LSAMP: variants seen among roughly 807,000 people sequenced by gnomAD.
The protein encoded by LSAMP is limbic system associated membrane protein.
LSAMP carries 7 observed loss-of-function variants against 38.6 expected under a neutral mutation model. That is an observed-to-expected ratio of 0.18 (90% CI 0.10 to 0.34). The LOEUF (loss-of-function observed/expected upper bound fraction) is 0.34, where lower values mean the gene tolerates loss of function less well. Among genes scored for constraint, LSAMP ranks in the 10% least tolerant of loss-of-function variants. The pLI, the probability that LSAMP is intolerant of heterozygous loss-of-function variation, is 1.00. For synonymous variants in LSAMP, 154 were observed against 166.8 expected, an observed-to-expected ratio of 0.92 and a Z score of 0.59; for missense variants, 313 against 420.0, an observed-to-expected ratio of 0.75 and a Z score of 2.23.
chr3:115,899,700 A>C lies in LSAMP; in HGVS notation c.515-47083T>G, dbSNP rs570827588. Among the ~76,000 whole-genome samples the C allele has an allele frequency of 3.3e-5, 5 of 152,290 alleles. No individual in the cohort carries two copies. In the East Asian group the frequency reaches 7.7e-4, roughly 24 times the overall value. On this transcript the variant is annotated intron_variant, in intron 3 of 6. Transcript: ENST00000490035. ...TGTTGATTAGAATGATTTTGTATCT[A>C]ACTCTATACATAGTCCAAACATCAA...
At chr3:116,091,463 G>A (rs970392512) in intron 1 of LSAMP, among the ~76,000 whole-genome samples, 4 of 152,172 alleles carry the variant, frequency 2.6e-5, no homozygotes, top group Non-Finnish European at 4.4e-5. Flanking sequence ...TATTGATTGG[G>A]GAAGTGAGAA....
At chr3:116,248,477 A>ATGTG (rs3028670) in intron 1 of LSAMP, among the ~76,000 whole-genome samples, 2,793 of 140,796 alleles carry the variant, frequency 0.02, 106 homozygotes, top group African/African-American at 0.063. Context: ...CCTGTCTCTA[A>ATGTG]TGTGTGTGTG....
rs1298348575 is a variant in LSAMP at position 116,210,693 on chromosome 3, T to C, written c.156-124137A>G. 3.3e-5 allele frequency among the ~76,000 whole-genome samples: 5 copies of C among 152,242 alleles called. No individual in the cohort carries two copies. The East Asian group carries it at 7.7e-4, about 23-fold the overall frequency. ...CTCCCCTTCATATATACATATATCCTATTAGTTGTGTCCCTTTAGTGAACT... is the reference window on the plus strand; with the variant it reads ...CTCCCCTTCATATATACATATATCCCATTAGTTGTGTCCCTTTAGTGAACT... On this transcript the variant is annotated intron_variant, in intron 1 of 6. Coordinates refer to ENST00000490035, the MANE Select transcript of LSAMP (RefSeq NM_002338.5).
intron 1 of LSAMP, among the ~76,000 whole-genome samples, chr3:116,327,387 T>C (rs1439115398): frequency 6.6e-6 from 1 of 152,188 alleles, no homozygotes; most frequent in African/African-American, 2.4e-5. Flanking sequence ...TCTTATTCTC[T>C]ATGTACGGAA....
chr3:115,866,173 A>T (rs1313853347), intron 3 of LSAMP, among the ~76,000 whole-genome samples: 1 of 152,118 alleles, frequency 6.6e-6, no homozygotes, highest in Non-Finnish European at 1.5e-5. Flanking sequence ...CTGGTGTTTT[A>T]ATCAATCATA....
At chr3:116,226,528 C>G (rs1384199374) in intron 1 of LSAMP, among the ~76,000 whole-genome samples, 1 of 152,218 alleles carries the variant, frequency 6.6e-6, no homozygotes, top group Non-Finnish European at 1.5e-5. Context: ...AACTGTTGAT[C>G]ACTGAAATAG....
intron 6 of LSAMP, among the ~76,000 whole-genome samples, chr3:115,826,726 AT>A (rs1433954093): frequency 1.3e-5 from 2 of 152,208 alleles, no homozygotes; most frequent in African/African-American, 4.8e-5. Flanking sequence ...GTGCCAAAAA[AT>A]GAGTTTTTAA....
intron 6 of LSAMP, among the ~76,000 whole-genome samples, chr3:115,811,226 C>T (rs1034960788): frequency 1.3e-5 from 2 of 151,950 alleles, no homozygotes; most frequent in African/African-American, 4.8e-5. Context: ...AATGTGGACA[C>T]AATTTGGGGG....
intron 1 of LSAMP, among the ~76,000 whole-genome samples, chr3:116,194,798 A>G (rs1177491901): frequency 6.6e-6 from 1 of 152,072 alleles, no homozygotes; most frequent in Admixed American, 6.5e-5. Context: ...TGATACAAAG[A>G]GGGGCTTATT....
rs1472440110 is a variant in LSAMP, at chr3:115,806,130, C to T, written c.*4187G>A. The T allele has an allele frequency of 6.6e-6, 1 of 152,122 alleles. No individual in the cohort carries two copies. Among genetic ancestry groups the T allele is most frequent in the East Asian group, 1.9e-4 (1 of 5,202 alleles). 9.4% of individuals were successfully genotyped at this position (152,122 alleles called of 1,614,324 possible). On this transcript the variant is annotated 3_prime_UTR_variant, in exon 7 of 7. Transcript: ENST00000490035. ...CATGGTTAATCCCATTAAACATAGTCTATAAGCAAATTTCTTTTCGCCAAA... is the reference window on the plus strand; with the variant it reads ...CATGGTTAATCCCATTAAACATAGTTTATAAGCAAATTTCTTTTCGCCAAA...
intron 1 of LSAMP, among the ~76,000 whole-genome samples, chr3:116,428,979 C>T (rs1308972582): frequency 6.6e-6 from 1 of 152,202 alleles, no homozygotes; most frequent in African/African-American, 2.4e-5. Context: ...AGTTCCTAAA[C>T]TCTGTCTACC....
chr3:115,903,869 G>A (rs1048073343), intron 3 of LSAMP, among the ~76,000 whole-genome samples: 4 of 152,070 alleles, frequency 2.6e-5, no homozygotes, highest in African/African-American at 7.2e-5. Context: ...AATATTTAAA[G>A]CAGACATTAT....
intron 3 of LSAMP, among the ~76,000 whole-genome samples, chr3:115,997,767 TAC>T (rs1371220225): frequency 4.4e-5 from 6 of 136,940 alleles, no homozygotes; most frequent in African/African-American, 1.3e-4. Flanking sequence ...CACACATACA[TAC>T]ACACACATAT....
intron 1 of LSAMP, among the ~76,000 whole-genome samples, chr3:116,255,486 AAC>A (rs1247031644): frequency 6.6e-6 from 1 of 151,190 alleles, no homozygotes; most frequent in African/African-American, 2.4e-5. Context: ...GCCATTTTGA[AAC>A]ATGTGTATTT....
At chr3:116,212,784 T>A (rs1343531384) in intron 1 of LSAMP, among the ~76,000 whole-genome samples, 1 of 152,206 alleles carries the variant, frequency 6.6e-6, no homozygotes, top group South Asian at 2.1e-4. Flanking sequence ...GTTACTTTCA[T>A]ATGTACATAG....
chr3:116,057,436 C>A (rs1484273380), intron 2 of LSAMP, among the ~76,000 whole-genome samples: 1 of 152,132 alleles, frequency 6.6e-6, no homozygotes, highest in Non-Finnish European at 1.5e-5. Flanking sequence ...ACTTGACCTC[C>A]CTTGATATGG....
chr3:116,072,034 G>A (rs959093551), intron 2 of LSAMP, among the ~76,000 whole-genome samples: 7 of 147,330 alleles, frequency 4.8e-5, no homozygotes, highest in African/African-American at 1.0e-4. Context: ...GGAGTGCAGT[G>A]GTGCGATCTC....
intron 4 of LSAMP, among the ~76,000 whole-genome samples, chr3:115,851,212 G>A (rs1307764468): frequency 6.6e-6 from 1 of 152,138 alleles, no homozygotes; most frequent in Non-Finnish European, 1.5e-5. Flanking sequence ...GACCTCAGGT[G>A]ATCCGCCTGT....
At chr3:116,127,167 A>G (rs1458947952) in intron 1 of LSAMP, among the ~76,000 whole-genome samples, 3 of 152,238 alleles carry the variant, frequency 2.0e-5, no homozygotes, top group Admixed American at 6.5e-5. Flanking sequence ...TAAAATGCCA[A>G]ATGCATAGGG....
Sources: gnomAD v4.1 joint callset for allele counts (sites outside exome capture counted in the v4.1 genomes callset) on GRCh38, gnomAD v4.1.1 for gene constraint, MANE v1.5 for transcripts, NCBI Gene and HGNC (gene_info 2026-07-23, HGNC 2026-07-21) for gene names.